CROCC2: variants seen among roughly 807,000 people sequenced by gnomAD.
The protein encoded by CROCC2 is ciliary rootlet coiled-coil, rootletin family member 2, also known as ciliary rootlet coiled-coil protein 2.
A neutral mutation model predicts 177.6 loss-of-function variants in CROCC2; 163 were observed. The observed-to-expected ratio is 0.92, with a 90% confidence interval of 0.81 to 1.05. The LOEUF (loss-of-function observed/expected upper bound fraction) is 1.05, where lower values mean the gene tolerates loss of function less well. Ranked by LOEUF, CROCC2 falls within the 50% of genes least tolerant of loss-of-function variation. The pLI is 0.00. For synonymous variants in CROCC2, 904 were observed against 787.3 expected, an observed-to-expected ratio of 1.15 and a Z score of -2.48; for missense variants, 1,929 against 1,797.8, an observed-to-expected ratio of 1.07 and a Z score of -1.32.
intron 1 of CROCC2, among the ~76,000 whole-genome samples, chr2:240,910,782 T>TC (rs2059282252): frequency 6.6e-6 from 1 of 152,236 alleles, no homozygotes; most frequent in Non-Finnish European, 1.5e-5. Context: ...TTGTTCTTCA[T>TC]CTCACTTCTG....
chr2:240,959,649 C>T (rs968253401), intron 20 of CROCC2: 1 of 575,452 alleles, frequency 1.7e-6, no homozygotes, highest in African/African-American at 1.9e-5. Flanking sequence ...CTAAGCCAAG[C>T]CCAGGCTCTC....
intron 6 of CROCC2, 118 bp downstream of exon 6, chr2:240,930,387 C>A (rs2059420905): frequency 2.3e-6 from 1 of 428,650 alleles, no homozygotes; most frequent in Non-Finnish European, 4.2e-6. Context: ...GTAGCCCTGG[C>A]CTGCCGGCTT....
At position 240,919,050 on chromosome 2, in the gene CROCC2, GGC is replaced by G. The variant is rs1559589559; in HGVS notation, c.229+176_229+177del. ...TGGGCCCGGGGCTGGGCAAGGTGATGGCGTGGGGGACGGTCCTGGGCCCGGGG... is the reference window on the plus strand; with the variant it reads ...TGGGCCCGGGGCTGGGCAAGGTGATGGTGGGGGACGGTCCTGGGCCCGGGG... On this transcript the variant is annotated intron_variant, in intron 2 of 31. Coordinates refer to ENST00000690015, the MANE Select transcript of CROCC2 (RefSeq NM_001351305.2). Among the ~76,000 whole-genome samples the G allele has an allele frequency of 5.6e-4, 20 of 35,716 alleles. 1 individual carries two copies. The highest frequency in any genetic ancestry group is 1.6e-3 in the Admixed American group (4 of 2,458). The allele number at this position is 35,716 out of a possible 152,430, so 23.4% of individuals were successfully genotyped here.
rs189978310 is a variant in CROCC2, at chr2:240,964,597, G to A, written c.3437G>A (p.Arg1146His). Reference sequence around the variant, plus strand: ...CTGGAGCAGGCAGGGGGGGACGCCCGTCAGGAGCTCCGGGAACTCCACAGA... The same window carrying A: ...CTGGAGCAGGCAGGGGGGGACGCCCATCAGGAGCTCCGGGAACTCCACAGA... ...WELEQAGGDA[R>H]QELRELHRQV... Residue 1146 changes from arginine (R) to histidine (H), a missense_variant, in exon 22 of 32, where the codon CGT becomes CAT. Transcript: ENST00000690015. 145 of 1,549,452 alleles carry A rather than the reference G, an allele frequency of 9.4e-5. 1 individual carries two copies. Among genetic ancestry groups the A allele is most frequent in the Middle Eastern group, 1.9e-4 (1 of 5,384 alleles).
At chr2:240,937,319 CTTTAT>C (rs1401926642) in intron 14 of CROCC2, among the ~76,000 whole-genome samples, 4 of 152,206 alleles carry the variant, frequency 2.6e-5, no homozygotes, top group Admixed American at 1.3e-4. Context: ...TATTCGTATG[CTTTAT>C]TTTATCAAAT....
intron 31 of CROCC2, 105 bp downstream of exon 31, chr2:240,991,383 G>A (rs2059878541): frequency 2.0e-6 from 2 of 1,001,550 alleles, no homozygotes; most frequent in Non-Finnish European, 1.4e-6. Flanking sequence ...GCTGCTGGGG[G>A]AACCACTGTT....
chr2:240,950,462 G>A lies in CROCC2; in HGVS notation c.2781G>A (p.Lys927=). ...EALKGEIQSL[K]QERDESLLQL... ...TGAAGGGGGAAATTCAGAGCCTGAA[G>A]CAGGAGCGGGACGAGAGCCTTCTCC... Residue 927 remains lysine, a synonymous_variant, in exon 18 of 32, where the codon AAG becomes AAA. Coordinates refer to ENST00000690015, the MANE Select transcript of CROCC2 (RefSeq NM_001351305.2). The A allele has an allele frequency of 6.5e-7, 1 of 1,550,276 alleles. No homozygotes were observed. Among genetic ancestry groups the A allele is most frequent in the Non-Finnish European group, 8.7e-7 (1 of 1,146,826 alleles).
At chr2:240,950,285 C>G in intron 17 of CROCC2, 49 bp from the exon 18 acceptor site, 1 of 1,520,366 alleles carries the variant, frequency 6.6e-7, no homozygotes, top group Non-Finnish European at 8.8e-7. Context: ...TAGACAACTG[C>G]TGGCCTCACC....
chr2:240,969,349 C>T (rs1019270671), intron 27 of CROCC2, among the ~76,000 whole-genome samples: 3 of 152,218 alleles, frequency 2.0e-5, no homozygotes, highest in Non-Finnish European at 2.9e-5. Flanking sequence ...TCTGAGTTCC[C>T]AGTAGGCCCT....
At position 240,964,479 on chromosome 2, in the gene CROCC2, AAGG is replaced by A; in HGVS notation, c.3325_3327del (p.Glu1109del). ...CACCCTCGTCAGTTTTAAGCGGTCC[AAGG>A]AGGAGAAGGAGCAGAAGCTGCTCAT... On this transcript the variant is annotated inframe_deletion, in exon 22 of 32. Transcript: ENST00000690015. 2 of 1,548,704 alleles carry A rather than the reference AAGG, an allele frequency of 1.3e-6. No homozygotes were observed. The highest frequency in any genetic ancestry group is 1.2e-5 in the South Asian group (1 of 83,974).
At chr2:240,948,943 G>T in intron 15 of CROCC2, 36 bp from the exon 16 acceptor site, 1 of 1,545,052 alleles carries the variant, frequency 6.5e-7, no homozygotes, top group South Asian at 1.2e-5. Context: ...CAGGATCTTG[G>T]GGATGACTTG....
At chr2:240,975,581 A>G (rs1290110487) in intron 27 of CROCC2, among the ~76,000 whole-genome samples, 1 of 152,184 alleles carries the variant, frequency 6.6e-6, no homozygotes, top group East Asian at 1.9e-4. Flanking sequence ...TGCAGCCGGC[A>G]GGACGCTTAA....
At chr2:240,947,428 C>T (rs575734189) in intron 15 of CROCC2, among the ~76,000 whole-genome samples, 6 of 152,256 alleles carry the variant, frequency 3.9e-5, no homozygotes, top group African/African-American at 7.2e-5. Flanking sequence ...GCCACTGACC[C>T]GAGGTCCCTG....
intron 27 of CROCC2, among the ~76,000 whole-genome samples, chr2:240,975,539 C>T (rs972239121): frequency 2.6e-5 from 4 of 152,024 alleles, no homozygotes; most frequent in African/African-American, 9.7e-5. Flanking sequence ...ATGGATTTGG[C>T]GAGTGTTTAT....
intron 22 of CROCC2, 75 bp downstream of exon 22, chr2:240,964,700 G>A (rs2059666646): frequency 6.8e-7 from 1 of 1,469,470 alleles, no homozygotes; most frequent in South Asian, 1.4e-5. Flanking sequence ...TCCCAGGGGA[G>A]CCCCCAGCCC....
At chr2:240,914,576 C>T (rs1261814531) in intron 1 of CROCC2, among the ~76,000 whole-genome samples, 2 of 152,222 alleles carry the variant, frequency 1.3e-5, no homozygotes, top group Non-Finnish European at 2.9e-5. Context: ...GGGAAGGGAC[C>T]CTCCACCCTC....
At chr2:240,950,194 G>C (rs553696493) in intron 17 of CROCC2, 140 bp from the exon 18 acceptor site, 1 of 745,608 alleles carries the variant, frequency 1.3e-6, no homozygotes, top group South Asian at 1.9e-5. Flanking sequence ...AAGACGTGGG[G>C]GGTGTGCAGC....
chr2:240,929,593 G>C (rs757574743), intron 5 of CROCC2: 7 of 442,798 alleles, frequency 1.6e-5, no homozygotes, highest in Non-Finnish European at 3.2e-5. Context: ...CCTCCTCCCT[G>C]CTGAACTGGG....
At chr2:240,951,432 A>G (rs2059556250) in intron 18 of CROCC2, among the ~76,000 whole-genome samples, 2 of 151,796 alleles carry the variant, frequency 1.3e-5, no homozygotes, top group Admixed American at 1.3e-4. Context: ...CTCTCTATCC[A>G]CCCATCCATC....
Sources: gnomAD v4.1 joint callset for allele counts (sites outside exome capture counted in the v4.1 genomes callset) on GRCh38, gnomAD v4.1.1 for gene constraint, MANE v1.5 for transcripts, NCBI Gene and HGNC (gene_info 2026-07-23, HGNC 2026-07-21) for gene names.